Variants in CASQ2 observed in about 807,000 individuals in gnomAD.
CASQ2 encodes the protein calsequestrin-2.
In CASQ2, 49 loss-of-function variants were observed where a neutral mutation model predicts 46.5. The observed-to-expected ratio is 1.05, with a 90% CI of 0.84 to 1.34. CASQ2 has a LOEUF of 1.34. CASQ2 is among the 40% of genes most tolerant of loss of function. CASQ2 has a pLI of 0.00. For synonymous variants in CASQ2, 174 were observed against 168.5 expected (o/e 1.03, Z -0.25); for missense variants, 486 against 481.3 (o/e 1.01, Z -0.09).
At chr1:115,762,854 A>G (rs1649010551) in intron 1 of CASQ2, among the ~76,000 whole-genome samples, 1 of 152,094 alleles carries the variant, frequency 6.6e-6, no homozygotes, top group African/African-American at 2.4e-5. Flanking sequence ...GAAGGAGTCG[A>G]TGATTCCTCA....
intron 1 of CASQ2, among the ~76,000 whole-genome samples, chr1:115,757,484 C>T (rs564046519): frequency 4.5e-4 from 69 of 152,148 alleles, no homozygotes; most frequent in Non-Finnish European, 9.0e-4. Flanking sequence ...AAAAAAATAC[C>T]TGAATCCTGT....
chr1:115,704,698 T>G (rs1326548059), intron 9 of CASQ2, among the ~76,000 whole-genome samples: 2 of 152,214 alleles, frequency 1.3e-5, no homozygotes, highest in African/African-American at 4.8e-5. Context: ...TCTTTCACAT[T>G]CATCGTAGGC....
intron 1 of CASQ2, among the ~76,000 whole-genome samples, chr1:115,756,394 C>G (rs1424623303): frequency 6.6e-6 from 1 of 152,190 alleles, no homozygotes; most frequent in Non-Finnish European, 1.5e-5. Flanking sequence ...CTCAGTTCTT[C>G]AGGGGGCTGA....
intron 5 of CASQ2, 67 bp downstream of exon 5, chr1:115,732,834 T>C (rs1647833495): frequency 2.8e-6 from 3 of 1,070,850 alleles, no homozygotes; most frequent in African/African-American, 1.6e-5. Context: ...GAAAGAGTGG[T>C]GAGAGTTCAA....
intron 4 of CASQ2, among the ~76,000 whole-genome samples, chr1:115,736,007 C>T: frequency 6.6e-6 from 1 of 151,290 alleles, no homozygotes; most frequent in Non-Finnish European, 1.5e-5. Flanking sequence ...ACTAAAAATA[C>T]AAAAAATTAG....
At chr1:115,728,829 C>T (rs989633579) in intron 5 of CASQ2, among the ~76,000 whole-genome samples, 5 of 152,074 alleles carry the variant, frequency 3.3e-5, no homozygotes, top group African/African-American at 1.2e-4. Flanking sequence ...AAGTCAAACC[C>T]GCCTGGTGGT....
Position 115,701,256 on chromosome 1 carries a change from G to T in CASQ2, c.1185C>A (p.Asp395Glu). ...SDEEDNDDSD[D>E]DDDE ...TGGAGTTGGGCTATTCATCATCATC[G>T]TCATCACTGTCATCATTATCCTCTT... Residue 395 changes from aspartate (D) to glutamate (E), a missense_variant, in exon 11 of 11, where the codon GAC (aspartate) becomes GAA (glutamate). Physicochemically the swap from Asp to Glu is conservative, Grantham distance 45 (BLOSUM62 2). Coordinates refer to ENST00000261448, the MANE Select transcript of CASQ2 (RefSeq NM_001232.4). The T allele has an allele frequency of 1.3e-6, 2 of 1,594,914 alleles. No homozygotes were observed. Among genetic ancestry groups the T allele is most frequent in the South Asian group, 2.2e-5 (2 of 90,770 alleles).
rs1305083230 is a variant in CASQ2, at chr1:115,705,180, G to A, written c.939+12C>T. 8 of 1,562,662 alleles carry A rather than the reference G, an allele frequency of 5.1e-6. No individual in the cohort carries two copies. Among genetic ancestry groups the A allele is most frequent in the Non-Finnish European group, 7.1e-6 (8 of 1,132,986 alleles). ...AGCAACTGAGGGTGGGGCGCTGGCTGGAGCCACTCACCAGAGGAAAGTCGT... is the reference window on the plus strand; with the variant it reads ...AGCAACTGAGGGTGGGGCGCTGGCTAGAGCCACTCACCAGAGGAAAGTCGT... On this transcript the variant is annotated intron_variant, in intron 9 of 10. Coordinates refer to ENST00000261448, the MANE Select transcript of CASQ2 (RefSeq NM_001232.4).
intron 5 of CASQ2, among the ~76,000 whole-genome samples, chr1:115,731,216 T>C (rs1430989633): frequency 6.6e-6 from 1 of 152,196 alleles, no homozygotes; most frequent in East Asian, 1.9e-4. Context: ...TGACCTCACC[T>C]TTTTCATGGA....
intron 6 of CASQ2, 97 bp downstream of exon 6, chr1:115,726,895 G>A (rs1339957463): frequency 2.1e-6 from 2 of 937,052 alleles, no homozygotes; most frequent in South Asian, 1.4e-5. Flanking sequence ...TACTAACTAG[G>A]TTGTTGCTCT....
At chr1:115,708,463 A>C (rs1366574209) in intron 8 of CASQ2, among the ~76,000 whole-genome samples, 4 of 152,184 alleles carry the variant, frequency 2.6e-5, no homozygotes. Flanking sequence ...TGGCCCTTAA[A>C]CACACAGACT....
At chr1:115,760,647 T>A (rs907069544) in intron 1 of CASQ2, among the ~76,000 whole-genome samples, 4 of 152,232 alleles carry the variant, frequency 2.6e-5, no homozygotes, top group Non-Finnish European at 5.9e-5. Flanking sequence ...TTTTAAAAAC[T>A]GTAGCATCTG....
At chr1:115,757,886 T>G (rs1389624770) in intron 1 of CASQ2, among the ~76,000 whole-genome samples, 1 of 152,210 alleles carries the variant, frequency 6.6e-6, no homozygotes, top group Non-Finnish European at 1.5e-5. Context: ...AGCAATTTAT[T>G]TCTAATTCTT....
At chr1:115,748,752 A>G (rs765545852) in intron 1 of CASQ2, among the ~76,000 whole-genome samples, 3 of 152,136 alleles carry the variant, frequency 2.0e-5, no homozygotes, top group Non-Finnish European at 4.4e-5. Context: ...CCTGTGTTCT[A>G]TTTAGTGCTG....
chr1:115,724,011 CAG>C (rs1272577033), intron 7 of CASQ2, among the ~76,000 whole-genome samples: 1 of 152,188 alleles, frequency 6.6e-6, no homozygotes, highest in Admixed American at 6.5e-5. Context: ...ACCAGTAAAA[CAG>C]TGTCAAGTTG....
intron 8 of CASQ2, among the ~76,000 whole-genome samples, chr1:115,713,601 T>C (rs1450486293): frequency 6.6e-6 from 1 of 152,118 alleles, no homozygotes. Context: ...GGACATGTGG[T>C]TGTTGCTGCT....
In CASQ2 at chr1:115,754,019, C is replaced by T. The variant is rs562512810; in HGVS notation, c.235-9107G>A. 1.8e-4 allele frequency among the ~76,000 whole-genome samples: 27 copies of T among 152,296 alleles called. No homozygotes were observed. In the South Asian group the frequency reaches 2.3e-3, roughly 13 times the overall value. On this transcript the variant is annotated intron_variant, in intron 1 of 10. Coordinates refer to ENST00000261448, the MANE Select transcript of CASQ2 (RefSeq NM_001232.4). The stretch of plus-strand genomic sequence containing the variant: ...CTTTTCATGTAAGCCAAGAGCCAAA[C>T]GGCTGTTTGTACCCACTGTCCCTCA...
chr1:115,738,344 C>G lies in CASQ2; in HGVS notation c.421-9G>C. On this transcript the variant is annotated splice_polypyrimidine_tract_variant and intron_variant, in intron 3 of 10. Transcript: ENST00000261448. ...ACTGGGTCTTCAATTAGCTGAAATG[C>G]CACACGCACATACACACATGTTCAA... 6.6e-7 allele frequency: 1 copy of G among 1,508,010 alleles called. No homozygotes were observed. Among genetic ancestry groups the G allele is most frequent in the Non-Finnish European group, 9.2e-7 (1 of 1,083,222 alleles). The allele number at this position is 1,508,010 out of a possible 1,614,324, so 93.4% of individuals were successfully genotyped here.
chr1:115,767,566 G>C (rs1649175180), intron 1 of CASQ2, among the ~76,000 whole-genome samples: 1 of 152,140 alleles, frequency 6.6e-6, no homozygotes, highest in East Asian at 1.9e-4. Flanking sequence ...CTCTTAAAGT[G>C]TAAGCCATCT....
Sources: allele counts gnomAD v4.1 joint callset (sites outside exome capture counted in the v4.1 genomes callset), GRCh38; gene constraint gnomAD v4.1.1; transcripts MANE v1.5; gene names NCBI Gene and HGNC (gene_info 2026-07-23, HGNC 2026-07-21).